SPTB: variants seen among roughly 807,000 people sequenced by gnomAD.
SPTB encodes spectrin beta, erythrocytic.
In SPTB, 45 loss-of-function variants were observed where a neutral mutation model predicts 256.2. The observed-to-expected ratio is 0.18, with a 90% CI of 0.14 to 0.23. The LOEUF (loss-of-function observed/expected upper bound fraction) is 0.23, where lower values mean the gene tolerates loss of function less well. SPTB is among the 10% of genes least tolerant of loss of function. SPTB has a pLI of 1.00. For synonymous variants in SPTB, 1,231 were observed against 1,243.1 expected (o/e 0.99, Z 0.21); for missense variants, 2,715 against 3,040.4 (o/e 0.89, Z 2.52).
chr14:64,826,077 C>T lies in SPTB; in HGVS notation c.-51-2932G>A, dbSNP rs1177772819. On this transcript the variant is annotated intron_variant, in intron 1 of 35. Coordinates refer to ENST00000644917, the MANE Select transcript of SPTB (RefSeq NM_001355436.2). The surrounding 1 kb of genome is among the most constrained non-coding windows in gnomAD (Gnocchi z 4.4). ...AAAGTGAGGCCCCTTTCCTTGTGCC[C>T]TCTTCCCCTGCCATGCCCACCCCAG... Among the ~76,000 whole-genome samples the T allele has an allele frequency of 6.6e-6, 1 of 152,210 alleles. No individual in the cohort carries two copies. Among genetic ancestry groups the T allele is most frequent in the Admixed American group, 6.5e-5 (1 of 15,284 alleles).
In SPTB at chr14:64,749,376, G is replaced by C. The variant is rs1444221072; in HGVS notation, c.6917C>G (p.Ser2306Cys). ...CTTGCCGAGGCTGGCGTCGGGGCCG[G>C]AGAGGGAAGGCAGGGGCAGGCTCTG... Reference protein sequence around the residue: ...KAQSLPLPSLSGPDASLGKKD... With the variant: ...KAQSLPLPSLCGPDASLGKKD... Residue 2306 changes from serine (S) to cysteine (C), a missense_variant, in exon 36 of 36, where the codon TCC (serine) becomes TGC (cysteine). Around this residue, in one of 4 missense-constraint regions of SPTB, gnomAD observed 2,239 missense variants for 2,384.4 expected, o/e 0.94. Coordinates refer to ENST00000644917, the MANE Select transcript of SPTB (RefSeq NM_001355436.2). This position sits in a 1 kb window ranked among gnomAD's most constrained non-coding sequence, Gnocchi z 4.7. The C allele has an allele frequency of 2.5e-6, 4 of 1,610,252 alleles. No homozygotes were observed. Among genetic ancestry groups the C allele is most frequent in the South Asian group, 1.1e-5 (1 of 91,022 alleles).
chr14:64,774,939 T>C (rs2082335071), intron 23 of SPTB, among the ~76,000 whole-genome samples, 186 bp downstream of exon 23: 1 of 152,096 alleles, frequency 6.6e-6, no homozygotes, highest in Admixed American at 6.5e-5. Context: ...CTGGCTTCAG[T>C]GTGTGCCCTG....
intron 9 of SPTB, among the ~76,000 whole-genome samples, chr14:64,798,983 T>C (rs1433251967): frequency 6.6e-6 from 1 of 152,196 alleles, no homozygotes; most frequent in Non-Finnish European, 1.5e-5. Context: ...ACATGCATGG[T>C]TGTATATATG....
Position 64,786,318 on chromosome 14 carries a change from C to A in SPTB, c.3561+86G>T. 1 of 1,545,080 alleles carries A rather than the reference C, an allele frequency of 6.5e-7. No individual in the cohort carries two copies. The highest frequency in any genetic ancestry group is 1.1e-5 in the South Asian group (1 of 89,332). On this transcript the variant is annotated intron_variant, in intron 16 of 35. Transcript: ENST00000644917. The surrounding 1 kb of genome is among the most constrained non-coding windows in gnomAD (Gnocchi z 5.6). ...GTACAAGACAAGAGTAATGTGGTCC[C>A]TGAGTCTTACAGCACATTTGTGGAC... is the stretch of plus-strand genomic sequence containing the variant.
chr14:64,750,515 C>T (rs577236087), intron 33 of SPTB, among the ~76,000 whole-genome samples: 2 of 152,220 alleles, frequency 1.3e-5, no homozygotes, highest in Admixed American at 6.5e-5. Flanking sequence ...ATGGCTAACA[C>T]TTGTAATCCC....
chr14:64,805,773 TA>T (rs1219595489), intron 2 of SPTB, among the ~76,000 whole-genome samples: 1 of 152,012 alleles, frequency 6.6e-6, no homozygotes, highest in Non-Finnish European at 1.5e-5. Flanking sequence ...CACACAGAGG[TA>T]AAACAAATTT....
chr14:64,811,946 T>C (rs2083097555), intron 2 of SPTB, among the ~76,000 whole-genome samples: 1 of 152,218 alleles, frequency 6.6e-6, no homozygotes, highest in Non-Finnish European at 1.5e-5. Context: ...CAAATGCACA[T>C]GCTTTTGGAC....
Position 64,796,828 on chromosome 14 carries a change from A to G in SPTB, c.1183-113T>C, listed in dbSNP as rs2082779095. The G allele has an allele frequency of 2.9e-6, 4 of 1,392,918 alleles. No individual in the cohort carries two copies. In the Admixed American group the frequency reaches 7.0e-5, roughly 24 times the overall value. 86.3% of individuals were successfully genotyped at this position (1,392,918 alleles called of 1,614,324 possible). A position where few individuals can be genotyped will look rare whatever the true frequency, so the allele number is the denominator to read the frequency against. ...ATTTCTGGAATCAAGGTACAGCCTG[A>G]TGCTCTTGGGTGACGTGGTAGCAGA... is the stretch of plus-strand genomic sequence containing the variant. On this transcript the variant is annotated intron_variant, in intron 10 of 35. Coordinates refer to ENST00000644917, the MANE Select transcript of SPTB (RefSeq NM_001355436.2). The surrounding 1 kb of genome is among the most constrained non-coding windows in gnomAD (Gnocchi z 4.1).
chr14:64,804,602 T>A (rs2082947918), intron 3 of SPTB, among the ~76,000 whole-genome samples: 1 of 152,174 alleles, frequency 6.6e-6, no homozygotes, highest in Non-Finnish European at 1.5e-5. Context: ...CACTTTCCTC[T>A]TGGTTCCAAG....
At chr14:64,768,383 T>C (rs1452387416) in intron 29 of SPTB, among the ~76,000 whole-genome samples, 1 of 152,250 alleles carries the variant, frequency 6.6e-6, no homozygotes, top group Non-Finnish European at 1.5e-5. Flanking sequence ...TAATTAGAAC[T>C]CTATTTTGAA....
In SPTB at chr14:64,800,782, C is replaced by T. The variant is rs1566771680; in HGVS notation, c.850G>A (p.Ala284Thr). The change falls in exon 8 of 36, where the codon GCA becomes ACA. Residue 284 changes from alanine (A) to threonine (T), a missense_variant. This residue lies in a region of SPTB where 416 missense variants were observed against 571.1 expected (regional missense o/e 0.73). Transcript: ENST00000644917. The stretch of plus-strand genomic sequence containing the variant: ...TTGCCGACACGCTTGCCCTCCACTG[C>T]CAGCACCTTCATCTTGGAGAAGTAG... Reference protein sequence around the residue: ...YHYFSKMKVLAVEGKRVGKVI... With the variant: ...YHYFSKMKVLTVEGKRVGKVI... 1.2e-6 allele frequency: 2 copies of T among 1,614,244 alleles called. No homozygotes were observed. Among genetic ancestry groups the T allele is most frequent in the Non-Finnish European group, 1.7e-6 (2 of 1,180,046 alleles).
In SPTB at chr14:64,773,448, C is replaced by G. The variant is rs375629217; in HGVS notation, c.4974-24G>C. The stretch of plus-strand genomic sequence containing the variant: ...CCCTGGAATTCAAAACCAAAAAGGC[C>G]CTCAGAGACGGCAGCCACGAACCCA... On this transcript the variant is annotated intron_variant, in intron 24 of 35. Transcript: ENST00000644917. 4.8e-4 allele frequency: 777 copies of G among 1,611,854 alleles called. 1 individual carries two copies. The highest frequency in any genetic ancestry group is 6.2e-4 in the Non-Finnish European group (731 of 1,179,856).
At chr14:64,828,675 A>C (rs1441951935) in intron 1 of SPTB, among the ~76,000 whole-genome samples, 1 of 152,152 alleles carries the variant, frequency 6.6e-6, no homozygotes, top group Non-Finnish European at 1.5e-5. Context: ...ACCTCCTCTT[A>C]TCTCTCTCAA....
At chr14:64,780,594 G>A (rs1456906132) in intron 20 of SPTB, among the ~76,000 whole-genome samples, 2 of 151,844 alleles carry the variant, frequency 1.3e-5, no homozygotes, top group African/African-American at 2.4e-5. Context: ...TGTATTTTTA[G>A]TAGAGACAAG....
intron 31 of SPTB, 60 bp downstream of exon 31, chr14:64,767,243 G>A: frequency 1.2e-6 from 2 of 1,602,646 alleles, no homozygotes; most frequent in Non-Finnish European, 1.7e-6. Flanking sequence ...CTGATGAAAG[G>A]CACCCCCTAC....
At position 64,793,944 on chromosome 14, in the gene SPTB, G is replaced by T; in HGVS notation, c.1796-77C>A. 1.3e-6 allele frequency: 2 copies of T among 1,484,030 alleles called. No individual in the cohort carries two copies. Among genetic ancestry groups the T allele is most frequent in the Non-Finnish European group, 1.8e-6 (2 of 1,109,290 alleles). 91.9% of individuals were successfully genotyped at this position (1,484,030 alleles called of 1,614,324 possible). ...GGGCACGCTTCAGATAAGCTGCTAG[G>T]TTGGAACTACACAACCCTGAAGCTG... On this transcript the variant is annotated intron_variant, in intron 13 of 35. Coordinates refer to ENST00000644917, the MANE Select transcript of SPTB (RefSeq NM_001355436.2). The surrounding 1 kb of genome is among the most constrained non-coding windows in gnomAD (Gnocchi z 7.0).
chr14:64,822,275 C>G (rs2083299823), intron 2 of SPTB, among the ~76,000 whole-genome samples: 1 of 150,204 alleles, frequency 6.7e-6, no homozygotes, highest in Non-Finnish European at 1.5e-5. Flanking sequence ...AAAAAAATCC[C>G]AAGAATCAGA....
At chr14:64,780,142 C>G (rs1284345938) in intron 20 of SPTB, among the ~76,000 whole-genome samples, 5 of 152,168 alleles carry the variant, frequency 3.3e-5, no homozygotes, top group African/African-American at 1.2e-4. Context: ...GTCCTACCCA[C>G]TGCAAAAGGG....
rs760445808 is a variant in SPTB, at chr14:64,823,229, C to T, written c.-51-84G>A. 1.6e-5 allele frequency: 16 copies of T among 1,023,440 alleles called. No individual in the cohort carries two copies. The highest frequency in any genetic ancestry group is 3.8e-5 in the Admixed American group (2 of 51,988). The allele number at this position is 1,023,440 out of a possible 1,614,324, so 63.4% of individuals were successfully genotyped here. A position where few individuals can be genotyped will look rare whatever the true frequency, so the allele number is the denominator to read the frequency against. On this transcript the variant is annotated intron_variant, in intron 1 of 35. Coordinates refer to ENST00000644917, the MANE Select transcript of SPTB (RefSeq NM_001355436.2). This position sits in a 1 kb window ranked among gnomAD's most constrained non-coding sequence, Gnocchi z 6.5. Reference sequence around the variant, plus strand: ...GGGGAAACTTATTCGGAGCATCCAACGTGAGTAGATCCTGACAGAAGCAGA... The same window carrying T: ...GGGGAAACTTATTCGGAGCATCCAATGTGAGTAGATCCTGACAGAAGCAGA...
Sources: gnomAD v4.1 joint callset for allele counts (sites outside exome capture counted in the v4.1 genomes callset) on GRCh38, gnomAD v4.1.1 for gene constraint, gnomAD v4.1.1 regional missense constraint, Gnocchi (gnomAD v3.1) non-coding constraint, MANE v1.5 for transcripts, NCBI Gene and HGNC (gene_info 2026-07-23, HGNC 2026-07-21) for gene names.